SORCS2: variants seen among roughly 807,000 people sequenced by gnomAD.
SORCS2 encodes the protein VPS10 domain-containing receptor SorCS2.
Under a neutral mutation model 141.6 loss-of-function variants are expected in SORCS2, and 100 were observed. That is an observed-to-expected ratio of 0.71 (90% CI 0.60 to 0.83). The LOEUF (loss-of-function observed/expected upper bound fraction) is 0.83, where lower values mean the gene tolerates loss of function less well. Ranked by LOEUF, SORCS2 falls within the 40% of genes least tolerant of loss-of-function variation. The probability of loss-of-function intolerance (pLI) is 0.00; values close to 1 mark genes in which losing one functional copy is unlikely to be tolerated. For synonymous variants in SORCS2, 789 were observed against 676.9 expected (o/e 1.17, Z -2.57); for missense variants, 1,646 against 1,560.2 (o/e 1.05, Z -0.93).
chr4:7,565,521 T>C (rs1209658993), intron 3 of SORCS2, among the ~76,000 whole-genome samples: 1 of 152,162 alleles, frequency 6.6e-6, no homozygotes, highest in Non-Finnish European at 1.5e-5. Context: ...ATGATGATTA[T>C]GATAAAGAAG....
Position 7,553,076 on chromosome 4 carries a change from G to A in SORCS2, c.648+21447G>A, listed in dbSNP as rs934726947. Among the ~76,000 whole-genome samples the A allele has an allele frequency of 2.6e-5, 4 of 152,288 alleles. No homozygotes were observed. The East Asian group carries it at 7.7e-4, about 29-fold the overall frequency. ...CACAAAATGGACACTGCAGGAAAGA[G>A]TCAGTGATGTGGAGGGGGCGCTAAG... On this transcript the variant is annotated intron_variant, in intron 3 of 26. Transcript: ENST00000507866.
chr4:7,676,194 C>A lies in SORCS2; in HGVS notation c.1306C>A (p.Gln436Lys). ...GCTGCAGGACGTGCGCAGCTCACGG[C>A]AGGCGGAGGAGAGCGTGCTCATCGA... The part of the protein sequence containing the change: ...LVLQDVRSSR[Q>K]AEESVLIDIL... Residue 436 changes from glutamine to lysine, a missense_variant, in exon 9 of 27, where the codon CAG becomes AAG. Physicochemically the swap from Gln to Lys is moderately conservative, Grantham distance 53 (BLOSUM62 1). Coordinates refer to ENST00000507866, the MANE Select transcript of SORCS2 (RefSeq NM_020777.3). 6.4e-7 allele frequency: 1 copy of A among 1,552,938 alleles called. No homozygotes were observed. Among genetic ancestry groups the A allele is most frequent in the Non-Finnish European group, 8.7e-7 (1 of 1,147,836 alleles).
At chr4:7,510,383 G>A (rs1177112333) in intron 2 of SORCS2, among the ~76,000 whole-genome samples, 1 of 152,226 alleles carries the variant, frequency 6.6e-6, no homozygotes, top group Non-Finnish European at 1.5e-5. Flanking sequence ...CTCCAGGAGG[G>A]CGCCCTGTCC....
chr4:7,440,209 G>A (rs1031624744), intron 2 of SORCS2, among the ~76,000 whole-genome samples: 2 of 152,228 alleles, frequency 1.3e-5, no homozygotes, highest in Admixed American at 1.3e-4. Context: ...AGGGAGCGGG[G>A]GAGGAGGCTG....
At chr4:7,525,882 CCTCCTCAGTCA>C (rs1733653521) in intron 2 of SORCS2, among the ~76,000 whole-genome samples, 1 of 127,146 alleles carries the variant, frequency 7.9e-6, no homozygotes. Context: ...TCACCTGTCC[CCTCCTCAGTCA>C]CCTGTCTCCT....
chr4:7,520,208 A>G (rs1412720866), intron 2 of SORCS2, among the ~76,000 whole-genome samples: 1 of 152,202 alleles, frequency 6.6e-6, no homozygotes, highest in Non-Finnish European at 1.5e-5. Flanking sequence ...GTCTGGATGC[A>G]GCCTGGCATC....
chr4:7,652,896 C>A (rs188237529), intron 4 of SORCS2, among the ~76,000 whole-genome samples: 2 of 152,220 alleles, frequency 1.3e-5, no homozygotes, highest in Admixed American at 1.3e-4. Context: ...ACAATCAGGT[C>A]AAATGCTTTT....
At chr4:7,584,378 AAG>A (rs1716389825) in intron 3 of SORCS2, among the ~76,000 whole-genome samples, 1 of 152,178 alleles carries the variant, frequency 6.6e-6, no homozygotes, top group South Asian at 2.1e-4. Context: ...TGGAAACTGA[AAG>A]AGTACATTTA....
chr4:7,394,545 G>A (rs941577994), intron 1 of SORCS2, among the ~76,000 whole-genome samples: 3 of 147,166 alleles, frequency 2.0e-5, no homozygotes, highest in Non-Finnish European at 4.5e-5. Context: ...GAGCATCCCA[G>A]GGTGAGGAAC....
intron 3 of SORCS2, among the ~76,000 whole-genome samples, chr4:7,559,977 G>A (rs1714417370): frequency 1.3e-5 from 2 of 152,190 alleles, no homozygotes; most frequent in African/African-American, 4.8e-5. Flanking sequence ...GGACCTACCC[G>A]AACCACTGTC....
chr4:7,643,810 G>A (rs903416968), intron 4 of SORCS2, among the ~76,000 whole-genome samples: 12 of 152,266 alleles, frequency 7.9e-5, no homozygotes, highest in South Asian at 2.1e-4. Flanking sequence ...CAGCCTTCGC[G>A]TTGGCTGCTG....
rs113906288 is a variant in SORCS2 at position 7,330,899 on chromosome 4, G to A, written c.481-65389G>A. Among the ~76,000 whole-genome samples, 951 of 152,234 alleles carry A rather than the reference G, an allele frequency of 6.2e-3. 11 individuals are homozygous for A. Among genetic ancestry groups the A allele is most frequent in the African/African-American group, 0.021 (872 of 41,564 alleles). Reference sequence around the variant, plus strand: ...GACTCGCGGCCGCCATGGACAGGACGCTGTCCTCAGTGCTGGCACATCTGT... The same window carrying A: ...GACTCGCGGCCGCCATGGACAGGACACTGTCCTCAGTGCTGGCACATCTGT... On this transcript the variant is annotated intron_variant, in intron 1 of 26. Transcript: ENST00000507866.
chr4:7,674,578 TAAAAAAAAAAAAAAAA>T (rs377431157), intron 8 of SORCS2, among the ~76,000 whole-genome samples: 1 of 82,574 alleles, frequency 1.2e-5, no homozygotes, highest in African/African-American at 3.9e-5. Flanking sequence ...TGTCTCAAAA[TAAAAAAAAAAAAAAAA>T]AAAAAAAAAA....
chr4:7,387,673 C>T (rs1173002682), intron 1 of SORCS2, among the ~76,000 whole-genome samples: 1 of 146,604 alleles, frequency 6.8e-6, no homozygotes, highest in South Asian at 2.2e-4. Flanking sequence ...CACATGCACA[C>T]ACATACAGGT....
chr4:7,398,590 C>T (rs770819147), intron 2 of SORCS2, among the ~76,000 whole-genome samples: 5 of 152,184 alleles, frequency 3.3e-5, no homozygotes, highest in Admixed American at 6.5e-5. Flanking sequence ...CCCTACCCAT[C>T]GGAGCAATTA....
chr4:7,245,274 C>T (rs975577082), intron 1 of SORCS2, among the ~76,000 whole-genome samples: 5 of 152,132 alleles, frequency 3.3e-5, no homozygotes, highest in Admixed American at 2.0e-4. Context: ...AGTGGTCCAC[C>T]CCCCACCCCG....
chr4:7,315,131 C>A (rs777412202), intron 1 of SORCS2, among the ~76,000 whole-genome samples: 15 of 152,180 alleles, frequency 9.9e-5, no homozygotes, highest in Non-Finnish European at 2.1e-4. Context: ...CTGCACCTGG[C>A]CTTGTCCGCT....
At chr4:7,584,134 T>C (rs925360224) in intron 3 of SORCS2, among the ~76,000 whole-genome samples, 5 of 152,244 alleles carry the variant, frequency 3.3e-5, no homozygotes, top group Admixed American at 6.5e-5. Context: ...TGGATCCTAA[T>C]ATAGAATCTG....
rs185727915 is a variant in SORCS2 at position 7,689,563 on chromosome 4, C to A, written c.1566C>A (p.Thr522=). ...CAGGCACCGTGCACACCAAGGACAC[C>A]GCCCCAGGCCTCATCATGGGTGCAG... ...YVSGTVHTKD[T]APGLIMGAGN... The change falls in exon 11 of 27, where the codon ACC becomes ACA. Residue 522 remains threonine, a synonymous_variant. Transcript: ENST00000507866. The A allele has an allele frequency of 1.2e-6, 2 of 1,601,966 alleles. No individual in the cohort carries two copies. Among genetic ancestry groups the A allele is most frequent in the African/African-American group, 2.7e-5 (2 of 74,782 alleles).
Sources: allele counts gnomAD v4.1 joint callset (sites outside exome capture counted in the v4.1 genomes callset), GRCh38; gene constraint gnomAD v4.1.1; transcripts MANE v1.5; gene names NCBI Gene and HGNC (gene_info 2026-07-23, HGNC 2026-07-21).